The following CPLANE1 variants were observed in gnomAD, a reference collection of about 807,000 sequenced individuals.
CPLANE1 encodes the protein ciliogenesis and planar polarity effector 1.
In CPLANE1, 263 loss-of-function variants were observed where a neutral mutation model predicts 362.5. That is an observed-to-expected ratio of 0.73 (90% CI 0.66 to 0.80). CPLANE1 has a LOEUF of 0.80. Ranked by LOEUF, CPLANE1 falls within the 30% of genes least tolerant of loss-of-function variation. The pLI, the probability that CPLANE1 is intolerant of heterozygous loss-of-function variation, is 0.00. For synonymous variants in CPLANE1, 1,212 were observed against 1,302.6 expected (o/e 0.93, Z 1.50); for missense variants, 3,461 against 3,793.4 (o/e 0.91, Z 2.30).
chr5:37,227,798 G>A lies in CPLANE1; in HGVS notation c.1141C>T (p.Gln381Ter). The change falls in exon 10 of 53, where the codon CAA becomes TAA. Residue 381 changes from glutamine to a stop codon, truncating the protein, a stop_gained. Transcript: ENST00000651892. LOFTEE classifies it high-confidence loss of function. Reference sequence around the variant, plus strand: ...GAATCAACAGAATTATTTGAATCTTGAAACGTAAACTGCTGTGGTCTAGTA... The same window carrying A: ...GAATCAACAGAATTATTTGAATCTTAAAACGTAAACTGCTGTGGTCTAGTA... ...ITYRPQQFTF[Q>*]DSNNSVDSSA... 1 of 1,550,730 alleles carries A rather than the reference G, an allele frequency of 6.4e-7. No homozygotes were observed. The highest frequency in any genetic ancestry group is 8.7e-7 in the Non-Finnish European group (1 of 1,146,580).
At chr5:37,210,851 G>A in intron 16 of CPLANE1, 1 of 841,942 alleles carries the variant, frequency 1.2e-6, no homozygotes, top group Non-Finnish European at 2.1e-6. Context: ...CAGTGGTTGA[G>A]CATGAGGAGT....
At chr5:37,139,622 G>T (rs1355660571) in intron 44 of CPLANE1, 4 of 602,892 alleles carry the variant, frequency 6.6e-6, no homozygotes, top group South Asian at 5.9e-5. Context: ...CATGGTCATG[G>T]CATACTACAA....
At chr5:37,244,678 T>TTG in intron 4 of CPLANE1, 71 bp from the exon 5 acceptor site, 1 of 872,086 alleles carries the variant, frequency 1.1e-6, no homozygotes, top group Non-Finnish European at 1.7e-6. Context: ...ACATAATTTA[T>TTG]GTATTCTTAC....
At chr5:37,168,738 GA>G in intron 34 of CPLANE1, 52 bp downstream of exon 34, 4 of 1,460,474 alleles carry the variant, frequency 2.7e-6, no homozygotes, top group South Asian at 1.3e-5. Context: ...CTTATGGTAT[GA>G]AAAAAATAGT....
intron 12 of CPLANE1, among the ~76,000 whole-genome samples, chr5:37,225,606 C>T (rs1796290458): frequency 6.6e-6 from 1 of 152,066 alleles, no homozygotes; most frequent in African/African-American, 2.4e-5. Context: ...AATCCCAACA[C>T]TTTGGGAGGC....
chr5:37,231,073 G>A (rs1413036515), intron 8 of CPLANE1, 24 bp from the exon 9 acceptor site: 3 of 1,457,130 alleles, frequency 2.1e-6, no homozygotes, highest in Non-Finnish European at 2.7e-6. Context: ...GAGACAACAT[G>A]TTTAGAAGAG....
At chr5:37,179,289 T>TA (rs1782045172) in intron 29 of CPLANE1, 72 bp downstream of exon 29, 1 of 988,302 alleles carries the variant, frequency 1.0e-6, no homozygotes, top group Admixed American at 2.2e-5. Context: ...TAACAATGAA[T>TA]AAAAACATGT....
At chr5:37,122,971 G>A (rs1022828915) in intron 47 of CPLANE1, among the ~76,000 whole-genome samples, 6 of 152,094 alleles carry the variant, frequency 3.9e-5, no homozygotes, top group African/African-American at 1.4e-4. Flanking sequence ...ATATTTTATT[G>A]AATTAATTAG....
intron 51 of CPLANE1, 60 bp downstream of exon 51, chr5:37,114,898 CAA>C (rs11286555): frequency 0.016 from 13,174 of 831,112 alleles, no homozygotes; most frequent in African/African-American, 0.031. Flanking sequence ...GACTCTGTCT[CAA>C]AAAAAAAAAA....
intron 16 of CPLANE1, among the ~76,000 whole-genome samples, chr5:37,207,386 A>T (rs1791063039): frequency 6.6e-6 from 1 of 152,228 alleles, no homozygotes; most frequent in East Asian, 1.9e-4. Flanking sequence ...GATTTTGCAT[A>T]AGCAAAGGAG....
chr5:37,135,600 C>T (rs377683852), intron 46 of CPLANE1, among the ~76,000 whole-genome samples: 2 of 151,880 alleles, frequency 1.3e-5, no homozygotes, highest in African/African-American at 2.4e-5. Context: ...TTTGGGAAGT[C>T]GAGGTGGGCG....
At chr5:37,121,579 C>T (rs538658773) in intron 49 of CPLANE1, 38 bp downstream of exon 49, 36 of 1,594,880 alleles carry the variant, frequency 2.3e-5, no homozygotes, top group Admixed American at 6.7e-5. Context: ...TCAGGCCTGA[C>T]GTTATCTTGC....
rs144678986 is a variant in CPLANE1 at position 37,125,428 on chromosome 5, A to C, written c.8793-19T>G. The C allele has an allele frequency of 1.9e-6, 3 of 1,607,336 alleles. No homozygotes were observed. Among genetic ancestry groups the C allele is most frequent in the African/African-American group, 2.7e-5 (2 of 74,668 alleles). ...CTGAATTCTGAGAAATTTAACAAGC[A>C]AGACATCATTTGCTTTTAAATTTGT... is the stretch of plus-strand genomic sequence containing the variant. On this transcript the variant is annotated intron_variant, in intron 46 of 52. Coordinates refer to ENST00000651892, the MANE Select transcript of CPLANE1 (RefSeq NM_001384732.1).
the CPLANE1 span, among the ~76,000 whole-genome samples, chr5:37,077,062 T>G: frequency 3.2e-4 from 48 of 152,050 alleles, no homozygotes; most frequent in African/African-American, 1.1e-3. Flanking sequence ...CAGGATGCAT[T>G]TCAATAAAAC....
intron 21 of CPLANE1, among the ~76,000 whole-genome samples, chr5:37,189,444 G>A (rs996188912): frequency 6.6e-5 from 10 of 152,022 alleles, no homozygotes; most frequent in Admixed American, 1.3e-4. Flanking sequence ...GGGGGAGCAC[G>A]GCCCAATCTT....
Position 37,201,708 on chromosome 5 carries a change from A to G in CPLANE1, c.3390T>C (p.Phe1130=). The G allele has an allele frequency of 6.2e-7, 1 of 1,614,122 alleles. No individual in the cohort carries two copies. Among genetic ancestry groups the G allele is most frequent in the Non-Finnish European group, 8.5e-7 (1 of 1,179,962 alleles). The part of the protein sequence containing the change: ...MADADILSET[F]QLLIDSAKDF... ...CCTTGGCAGAGTCTATCAGAAGTTGAAATGTCTCCGAAAGAATATCTGCAT... is the reference window on the plus strand; with the variant it reads ...CCTTGGCAGAGTCTATCAGAAGTTGGAATGTCTCCGAAAGAATATCTGCAT... The change falls in exon 19 of 53, where the codon TTT becomes TTC. Residue 1130 remains phenylalanine, a synonymous_variant. Transcript: ENST00000651892.
the CPLANE1 span, among the ~76,000 whole-genome samples, chr5:37,090,248 T>C: frequency 6.6e-6 from 1 of 152,226 alleles, no homozygotes; most frequent in Non-Finnish European, 1.5e-5. Flanking sequence ...CCAATTGTTT[T>C]ATCTTTCTCA....
chr5:37,123,462 GT>G (rs1763229083), intron 47 of CPLANE1, among the ~76,000 whole-genome samples: 1 of 152,112 alleles, frequency 6.6e-6, no homozygotes, highest in Non-Finnish European at 1.5e-5. Context: ...CCAAATAGAA[GT>G]TAAAAAACAA....
In CPLANE1 at chr5:37,187,060, C is replaced by CAAAAAAAAAAAAA. The variant is rs61112118; in HGVS notation, c.4080+341_4080+353dup. ...TGGGTGACAGAGCGAGACTCCGTCT[C>CAAAAAAAAAAAAA]AAAAAAAAAAAAAAAAAAAAAAAAA... On this transcript the variant is annotated intron_variant, in intron 23 of 52. Transcript: ENST00000651892. Among the ~76,000 whole-genome samples, 79 of 50,398 alleles carry CAAAAAAAAAAAAA rather than the reference C, an allele frequency of 1.6e-3. 13 individuals are homozygous for CAAAAAAAAAAAAA. Among genetic ancestry groups the CAAAAAAAAAAAAA allele is most frequent in the African/African-American group, 5.7e-3 (63 of 10,998 alleles). The allele number at this position is 50,398 out of a possible 152,430, so 33.1% of individuals were successfully genotyped here.
Sources: gnomAD v4.1 joint callset for allele counts (sites outside exome capture counted in the v4.1 genomes callset) on GRCh38, gnomAD v4.1.1 for gene constraint, MANE v1.5 for transcripts, NCBI Gene and HGNC (gene_info 2026-07-23, HGNC 2026-07-21) for gene names.